The following TRAP1 variants were observed in gnomAD, a reference collection of about 807,000 sequenced individuals.
TRAP1 encodes TNF receptor associated protein 1, also known as heat shock protein 75 kDa, mitochondrial.
TRAP1 carries 102 observed loss-of-function variants against 89.1 expected under a neutral mutation model. That is an observed-to-expected ratio of 1.15 (90% CI 0.98 to 1.35). TRAP1 has a LOEUF of 1.35. TRAP1 is among the 40% of genes most tolerant of loss of function. TRAP1 has a pLI of 0.00. For synonymous variants in TRAP1, 508 were observed against 388.0 expected, an observed-to-expected ratio of 1.31 and a Z score of -3.64; for missense variants, 1,256 against 945.3, an observed-to-expected ratio of 1.33 and a Z score of -4.31.
At chr16:3,672,586 G>A (rs953150677) in intron 10 of TRAP1, 114 bp downstream of exon 10, 37 of 1,434,226 alleles carry the variant, frequency 2.6e-5, no homozygotes, top group Non-Finnish European at 2.9e-5. Flanking sequence ...GCAGGCCGAC[G>A]GCGGTGCTCT....
chr16:3,708,739 T>C (rs1226596633), intron 1 of TRAP1, among the ~76,000 whole-genome samples: 2 of 148,042 alleles, frequency 1.4e-5, no homozygotes, highest in Non-Finnish European at 3.0e-5. Context: ...CTGCTTAACC[T>C]CGGGAGGCGG....
chr16:3,693,404 T>C lies in TRAP1; in HGVS notation c.89-2419A>G, dbSNP rs986875463. ...CGTACAGTTAAAAAAAAAAAAAAAA[T>C]CCCGGGACATTTCTTCTGGAATTAA... On this transcript the variant is annotated intron_variant, in intron 1 of 17. Coordinates refer to ENST00000246957, the MANE Select transcript of TRAP1 (RefSeq NM_016292.3). Among the ~76,000 whole-genome samples the C allele has an allele frequency of 9.3e-3, 573 of 61,458 alleles. 4 individuals carry two copies. The highest frequency in any genetic ancestry group is 0.021 in the African/African-American group (548 of 26,420). 40.3% of individuals were successfully genotyped at this position (61,458 alleles called of 152,430 possible). A position where few individuals can be genotyped will look rare whatever the true frequency, so the allele number is the denominator to read the frequency against.
intron 1 of TRAP1, among the ~76,000 whole-genome samples, chr16:3,715,633 A>C (rs535890601): frequency 6.6e-6 from 1 of 152,056 alleles, no homozygotes; most frequent in Non-Finnish European, 1.5e-5. Context: ...AGTCAGCTAC[A>C]AAAGAAACGA....
intron 1 of TRAP1, among the ~76,000 whole-genome samples, chr16:3,699,373 C>T (rs559181887): frequency 3.9e-5 from 6 of 152,300 alleles, no homozygotes; most frequent in African/African-American, 9.6e-5. Flanking sequence ...CGCAGTGGCT[C>T]ACACCATAAT....
intron 1 of TRAP1, among the ~76,000 whole-genome samples, chr16:3,709,026 A>G (rs1051760497): frequency 6.6e-6 from 1 of 151,886 alleles, no homozygotes; most frequent in African/African-American, 2.4e-5. Flanking sequence ...CGTGTTAGCC[A>G]GGATGGTCTC....
intron 1 of TRAP1, among the ~76,000 whole-genome samples, chr16:3,705,331 A>G (rs2051427135): frequency 6.6e-6 from 1 of 152,076 alleles, no homozygotes; most frequent in Non-Finnish European, 1.5e-5. Context: ...GGCCTCCCAA[A>G]GTGCTGGGAT....
At chr16:3,660,564 G>A (rs2043014761) in intron 16 of TRAP1, 1 of 152,188 alleles carries the variant, frequency 6.6e-6, no homozygotes, top group South Asian at 2.1e-4. Flanking sequence ...GTGACCTGGT[G>A]TCCGCCTCAC....
At chr16:3,701,014 T>C (rs942113232) in intron 1 of TRAP1, among the ~76,000 whole-genome samples, 3 of 152,134 alleles carry the variant, frequency 2.0e-5, no homozygotes, top group Non-Finnish European at 4.4e-5. Flanking sequence ...GCAAGGATTG[T>C]CAGAATTGGT....
At position 3,658,048 on chromosome 16, in the gene TRAP1, A is replaced by G. The variant is rs926379083; in HGVS notation, c.*81T>C. 16 of 1,607,458 alleles carry G rather than the reference A, an allele frequency of 1.0e-5. No individual in the cohort carries two copies. The South Asian group carries it at 1.3e-4, about 13-fold the overall frequency. ...AGCCCAACACACACTCGGGTTAAGAAATACCTTTAAATTTAGGTAAATAAA... is the reference window on the plus strand; with the variant it reads ...AGCCCAACACACACTCGGGTTAAGAGATACCTTTAAATTTAGGTAAATAAA... On this transcript the variant is annotated 3_prime_UTR_variant, in exon 18 of 18. Transcript: ENST00000246957.
At chr16:3,708,872 G>A (rs2051487478) in intron 1 of TRAP1, among the ~76,000 whole-genome samples, 2 of 148,380 alleles carry the variant, frequency 1.3e-5, no homozygotes, top group Admixed American at 6.8e-5. Flanking sequence ...CTGGAGTGCA[G>A]TGGTGCGATC....
intron 11 of TRAP1, among the ~76,000 whole-genome samples, chr16:3,671,286 A>G (rs1386406349): frequency 6.6e-6 from 1 of 152,212 alleles, no homozygotes; most frequent in Admixed American, 6.5e-5. Context: ...TACTTGCATT[A>G]GGGGAAAAAA....
At position 3,663,575 on chromosome 16, in the gene TRAP1, A is replaced by C; in HGVS notation, c.1570-13T>G. On this transcript the variant is annotated splice_polypyrimidine_tract_variant and intron_variant, in intron 13 of 17. Coordinates refer to ENST00000246957, the MANE Select transcript of TRAP1 (RefSeq NM_016292.3). ...AGCAGAAGAGAACCTGCAGGTGGCCAAGAGCAGCTCCATCAGACCCCGGGG... is the reference window on the plus strand; with the variant it reads ...AGCAGAAGAGAACCTGCAGGTGGCCCAGAGCAGCTCCATCAGACCCCGGGG... 1.2e-6 allele frequency: 2 copies of C among 1,613,458 alleles called. No homozygotes were observed. The highest frequency in any genetic ancestry group is 1.7e-6 in the Non-Finnish European group (2 of 1,179,830).
At chr16:3,661,840 C>G (rs546683998) in intron 16 of TRAP1, 147 bp downstream of exon 16, 4 of 1,105,864 alleles carry the variant, frequency 3.6e-6, no homozygotes, top group Middle Eastern at 2.1e-4. Context: ...TGGGTGCAGC[C>G]TAAACTGCAT....
chr16:3,669,445 A>C (rs1183765024), intron 11 of TRAP1, among the ~76,000 whole-genome samples: 1 of 152,186 alleles, frequency 6.6e-6, no homozygotes, highest in Non-Finnish European at 1.5e-5. Context: ...ACATCTCTTT[A>C]GTCAGCAAGG....
chr16:3,684,248 G>C (rs760809521), intron 4 of TRAP1, among the ~76,000 whole-genome samples: 1 of 152,278 alleles, frequency 6.6e-6, no homozygotes, highest in East Asian at 1.9e-4. Context: ...AGAAAAAGAT[G>C]ATTTTGCCAC....
Position 3,689,078 on chromosome 16 carries a change from G to C in TRAP1, c.307C>G (p.Arg103Gly). The change falls in exon 3 of 18, where the codon CGG (arginine) becomes GGG (glycine). Residue 103 changes from arginine to glycine, a missense_variant. Transcript: ENST00000246957. ...ACCTCTTTTTCTGAGTACAGGGACC[G>C]GGCAACAATGTCCAAAAGCTTCTTT... ...ETKKLLDIVA[R>G]SLYSEKEVFI... 3.1e-6 allele frequency: 5 copies of C among 1,613,770 alleles called. No homozygotes were observed. The highest frequency in any genetic ancestry group is 4.2e-6 in the Non-Finnish European group (5 of 1,179,866).
intron 12 of TRAP1, chr16:3,664,972 G>C (rs2050795403): frequency 6.5e-6 from 1 of 154,754 alleles, no homozygotes; most frequent in South Asian, 2.0e-4. Flanking sequence ...GTGACCTCTA[G>C]AGCTCATGGG....
chr16:3,689,984 T>A (rs899137969), intron 2 of TRAP1, among the ~76,000 whole-genome samples: 1 of 152,150 alleles, frequency 6.6e-6, no homozygotes, highest in Non-Finnish European at 1.5e-5. Flanking sequence ...AGAACTGGAC[T>A]GCCTCTAAGA....
chr16:3,699,740 T>G (rs552893800), intron 1 of TRAP1, among the ~76,000 whole-genome samples: 31 of 151,876 alleles, frequency 2.0e-4, no homozygotes, highest in African/African-American at 6.8e-4. Context: ...CAGTCATGGC[T>G]CACTGCAGTC....
Sources: allele counts gnomAD v4.1 joint callset (sites outside exome capture counted in the v4.1 genomes callset), GRCh38; gene constraint gnomAD v4.1.1; transcripts MANE v1.5; gene names NCBI Gene and HGNC (gene_info 2026-07-23, HGNC 2026-07-21).